The following C6orf52 variants were observed in gnomAD, a reference collection of about 807,000 sequenced individuals.
C6orf52 encodes chromosome 6 open reading frame 52, also known as putative uncharacterized protein C6orf52.
C6orf52 carries 16 observed loss-of-function variants against 16.6 expected under a neutral mutation model. That is an observed-to-expected ratio of 0.96 (90% CI 0.65 to 1.46). The LOEUF (loss-of-function observed/expected upper bound fraction) is 1.46. Ranked by LOEUF, C6orf52 falls within the 40% of genes most tolerant of loss-of-function variation. The pLI, the probability that C6orf52 is intolerant of heterozygous loss-of-function variation, is 0.00. For missense variants in C6orf52, 166 were observed against 182.3 expected (o/e 0.91, Z 0.52); for synonymous variants, 53 against 61.4 (o/e 0.86, Z 0.64).
At chr6:10,694,626 T>G (rs1769712195), upstream of C6orf52, 2 of 184,060 alleles carry the variant, frequency 1.1e-5, no homozygotes, top group South Asian at 2.0e-4. Flanking sequence ...CGGCCCCACC[T>G]CCTCCTGATG....
Position 10,694,613 on chromosome 6 carries a change from A to G in C6orf52, c.-131T>C. ...TACAGCCCCTAAGCAACCGGCCGGA[A>G]GTCGGCCCCACCTCCTCCTGATGTC... On this transcript the variant is annotated 5_prime_UTR_variant, in exon 1 of 5. Coordinates refer to ENST00000259983, the MANE Select transcript of C6orf52 (RefSeq NM_001145020.3). 4.4e-4 allele frequency: 78 copies of G among 179,118 alleles called. No individual in the cohort carries two copies. The highest frequency in any genetic ancestry group is 2.6e-3 in the South Asian group (24 of 9,094). The allele number at this position is 179,118 out of a possible 1,614,324, so 11.1% of individuals were successfully genotyped here.
chr6:10,694,591 A>ATG lies in C6orf52; in HGVS notation c.-110_-109insCA. 1 of 180,128 alleles carries ATG rather than the reference A, an allele frequency of 5.6e-6. No homozygotes were observed. Among genetic ancestry groups the ATG allele is most frequent in the South Asian group, 9.4e-5 (1 of 10,584 alleles). 11.2% of individuals were successfully genotyped at this position (180,128 alleles called of 1,614,324 possible). A position where few individuals can be genotyped will look rare whatever the true frequency, so the allele number is the denominator to read the frequency against. ...CAACAATGCACGCTGCCGGCGCTACAGCCCCTAAGCAACCGGCCGGAAGTC... is the reference window on the plus strand; with the variant it reads ...CAACAATGCACGCTGCCGGCGCTACATGGCCCCTAAGCAACCGGCCGGAAGTC... On this transcript the variant is annotated 5_prime_UTR_variant, in exon 1 of 5. In the 5' UTR this introduces an upstream ATG that the reference lacks. Transcript: ENST00000259983.
intron 4 of C6orf52, among the ~76,000 whole-genome samples, chr6:10,681,520 A>G (rs976913395): frequency 2.6e-5 from 4 of 152,180 alleles, no homozygotes; most frequent in Admixed American, 6.5e-5. Context: ...CAACTGCATT[A>G]CATTTCTACT....
chr6:10,685,047 T>C (rs1768743576), intron 3 of C6orf52: 1 of 355,604 alleles, frequency 2.8e-6, no homozygotes, highest in African/African-American at 2.1e-5. Context: ...GACAGAGGAA[T>C]TGAGAGAAGG....
chr6:10,678,336 G>A (rs1768071895), intron 4 of C6orf52, among the ~76,000 whole-genome samples: 7 of 152,000 alleles, frequency 4.6e-5, no homozygotes, highest in Admixed American at 4.6e-4. Flanking sequence ...ACACTTTATA[G>A]TGTTCAGTAT....
At chr6:10,677,932 C>T (rs563023253) in intron 4 of C6orf52, among the ~76,000 whole-genome samples, 11 of 151,936 alleles carry the variant, frequency 7.2e-5, no homozygotes, top group Non-Finnish European at 1.5e-4. Context: ...AATCCCAGAA[C>T]TTTGGGAGGC....
At chr6:10,687,243 G>T in intron 2 of C6orf52, 79 bp from the exon 3 acceptor site, 1 of 1,085,940 alleles carries the variant, frequency 9.2e-7, no homozygotes, top group Non-Finnish European at 1.3e-6. Flanking sequence ...CAGGAAGTTT[G>T]CAGTAAGCTG....
At chr6:10,674,610 G>A (rs1487567056) in intron 4 of C6orf52, 1 of 149,088 alleles carries the variant, frequency 6.7e-6, no homozygotes, top group Middle Eastern at 3.4e-3. Flanking sequence ...TGGAAACACT[G>A]AATATCCACT....
chr6:10,693,037 TAA>T (rs902230836), intron 1 of C6orf52, among the ~76,000 whole-genome samples: 2 of 151,796 alleles, frequency 1.3e-5, no homozygotes, highest in Non-Finnish European at 2.9e-5. Context: ...TTTTAAAGAC[TAA>T]CTTACTTCAA....
chr6:10,694,597 TA>T lies in C6orf52; in HGVS notation c.-116del. 5.1e-6 allele frequency: 1 copy of T among 195,446 alleles called. No individual in the cohort carries two copies. Among genetic ancestry groups the T allele is most frequent in the Non-Finnish European group, 1.1e-5 (1 of 91,514 alleles). The allele number at this position is 195,446 out of a possible 1,614,324, so 12.1% of individuals were successfully genotyped here. ...TGCACGCTGCCGGCGCTACAGCCCC[TA>T]AGCAACCGGCCGGAAGTCGGCCCCA... On this transcript the variant is annotated 5_prime_UTR_variant, in exon 1 of 5. Coordinates refer to ENST00000259983, the MANE Select transcript of C6orf52 (RefSeq NM_001145020.3).
At chr6:10,694,651 G>A (rs1265228958), upstream of C6orf52, 2 of 231,372 alleles carry the variant, frequency 8.6e-6, no homozygotes, top group Non-Finnish European at 1.7e-5. Flanking sequence ...GGAAATGAAG[G>A]GCTTCGCAGA....
intron 4 of C6orf52, among the ~76,000 whole-genome samples, chr6:10,673,327 T>G (rs1174750843): frequency 6.6e-6 from 1 of 152,214 alleles, no homozygotes; most frequent in Non-Finnish European, 1.5e-5. Flanking sequence ...TCTCTGCCCT[T>G]CCAGTGATGT....
intron 4 of C6orf52, among the ~76,000 whole-genome samples, chr6:10,678,542 C>G (rs1473524888): frequency 6.6e-6 from 1 of 152,190 alleles, no homozygotes; most frequent in East Asian, 1.9e-4. Context: ...GTTTTCTCTA[C>G]AGGCATACCT....
At position 10,672,104 on chromosome 6, in the gene C6orf52, G is replaced by A. The variant is rs1045155815; in HGVS notation, c.317-506C>T. On this transcript the variant is annotated intron_variant, in intron 4 of 4. Transcript: ENST00000259983. ...ACTTGGCCTTCCATCTCCGAACCCT[G>A]GAACCCTGTGACGAGATGGTATTAT... Among the ~76,000 whole-genome samples, 18 of 152,324 alleles carry A rather than the reference G, an allele frequency of 1.2e-4. 1 individual carries two copies. The highest frequency in any genetic ancestry group is 4.3e-4 in the African/African-American group (18 of 41,558).
intron 3 of C6orf52, among the ~76,000 whole-genome samples, chr6:10,685,213 C>T (rs1768761815): frequency 6.8e-6 from 1 of 147,516 alleles, no homozygotes. Flanking sequence ...GACAGACCGT[C>T]TCCCAAAAAA....
upstream of C6orf52, chr6:10,694,745 G>A: frequency 2.4e-6 from 1 of 424,926 alleles, no homozygotes; most frequent in East Asian, 4.1e-5. Context: ...TTTTCTCCTT[G>A]CAGTGAGAAC....
intron 4 of C6orf52, among the ~76,000 whole-genome samples, chr6:10,676,597 A>C (rs9467197): frequency 0.025 from 3,877 of 152,322 alleles, 163 homozygotes; most frequent in African/African-American, 0.084. Context: ...ACAAGTGGAA[A>C]GTCTATTTGC....
chr6:10,674,677 G>A (rs1156968462), intron 4 of C6orf52: 1 of 146,506 alleles, frequency 6.8e-6, no homozygotes, highest in Non-Finnish European at 1.5e-5. Context: ...GTCAAATGCA[G>A]CAGTAAGAAG....
chr6:10,672,597 G>A (rs1339089336), intron 4 of C6orf52: 3 of 701,622 alleles, frequency 4.3e-6, no homozygotes, highest in Admixed American at 4.0e-5. Flanking sequence ...GCTTAAATCT[G>A]GGAGTTTGAG....
Sources: gnomAD v4.1 joint callset for allele counts (sites outside exome capture counted in the v4.1 genomes callset) on GRCh38, gnomAD v4.1.1 for gene constraint, MANE v1.5 for transcripts, NCBI Gene and HGNC (gene_info 2026-07-23, HGNC 2026-07-21) for gene names.